The following RUNX2 variants were observed in gnomAD, a reference collection of about 807,000 sequenced individuals.
RUNX2 encodes RUNX family transcription factor 2.
RUNX2 carries 10 observed loss-of-function variants against 51.7 expected under a neutral mutation model. The ratio of observed to expected loss-of-function variants is 0.19; its 90% CI spans 0.12 to 0.33. The LOEUF (loss-of-function observed/expected upper bound fraction) is 0.33, where lower values mean the gene tolerates loss of function less well. Ranked by LOEUF, RUNX2 falls within the 10% of genes least tolerant of loss-of-function variation. The probability of loss-of-function intolerance (pLI) is 1.00; values close to 1 mark genes in which losing one functional copy is unlikely to be tolerated. For missense variants in RUNX2, 562 were observed against 691.3 expected (o/e 0.81, Z 2.10); for synonymous variants, 276 against 273.6 (o/e 1.01, Z -0.09).
chr6:45,508,239 T>G (rs1801035565), intron 6 of RUNX2, among the ~76,000 whole-genome samples: 1 of 140,338 alleles, frequency 7.1e-6, no homozygotes, highest in Admixed American at 7.0e-5. Context: ...TTTTTTTTTT[T>G]TTTTTTGAGA....
intron 6 of RUNX2, among the ~76,000 whole-genome samples, chr6:45,500,516 A>G (rs1278839058): frequency 6.6e-6 from 1 of 152,236 alleles, no homozygotes; most frequent in Non-Finnish European, 1.5e-5. Context: ...CTGAGGTGCT[A>G]GGAGATTTCT....
chr6:45,530,355 G>A (rs879705951), intron 7 of RUNX2, among the ~76,000 whole-genome samples: 2 of 152,206 alleles, frequency 1.3e-5, no homozygotes, highest in African/African-American at 2.4e-5. Context: ...AAGGCGATTT[G>A]GAGGTAAATC....
chr6:45,464,067 C>G (rs895006910), intron 5 of RUNX2, among the ~76,000 whole-genome samples: 2 of 152,088 alleles, frequency 1.3e-5, no homozygotes, highest in African/African-American at 4.8e-5. Context: ...GTGGCAGGTG[C>G]CTGTAGTCCC....
chr6:45,492,297 G>A (rs1800505455), intron 6 of RUNX2, among the ~76,000 whole-genome samples, 183 bp downstream of exon 6: 1 of 151,974 alleles, frequency 6.6e-6, no homozygotes, highest in South Asian at 2.1e-4. Context: ...CAATAACTTG[G>A]GGATAACATT....
intron 2 of RUNX2, among the ~76,000 whole-genome samples, chr6:45,332,906 C>G (rs1387948850): frequency 2.6e-5 from 4 of 151,656 alleles, no homozygotes; most frequent in Non-Finnish European, 5.9e-5. Flanking sequence ...CCTTAATGTA[C>G]TATTTTTTCT....
chr6:45,370,864 G>A (rs1036682672), intron 2 of RUNX2, among the ~76,000 whole-genome samples: 2 of 151,908 alleles, frequency 1.3e-5, no homozygotes, highest in Admixed American at 1.3e-4. Flanking sequence ...CTCACATTAA[G>A]TTTCTATTCC....
intron 7 of RUNX2, among the ~76,000 whole-genome samples, chr6:45,532,567 A>G: frequency 6.6e-6 from 1 of 152,150 alleles, no homozygotes; most frequent in East Asian, 1.9e-4. Context: ...TAAAATTGCT[A>G]TCCATGGCCA....
chr6:45,402,079 G>A (rs1204206308), intron 2 of RUNX2, among the ~76,000 whole-genome samples: 2 of 152,206 alleles, frequency 1.3e-5, no homozygotes, highest in Non-Finnish European at 2.9e-5. Context: ...TATGCTCTTA[G>A]ATGCATAATG....
chr6:45,370,979 A>G (rs991231954), intron 2 of RUNX2, among the ~76,000 whole-genome samples: 1 of 152,200 alleles, frequency 6.6e-6, no homozygotes, highest in Non-Finnish European at 1.5e-5. Context: ...CTATCAGATT[A>G]TCCTTAAGCC....
intron 5 of RUNX2, among the ~76,000 whole-genome samples, chr6:45,453,653 A>G (rs1352955958): frequency 6.6e-6 from 1 of 152,220 alleles, no homozygotes; most frequent in South Asian, 2.1e-4. Context: ...TGCCTAAAGC[A>G]CAATCAAGAA....
At chr6:45,505,393 C>T (rs1432637796) in intron 6 of RUNX2, among the ~76,000 whole-genome samples, 1 of 150,948 alleles carries the variant, frequency 6.6e-6, no homozygotes, top group Non-Finnish European at 1.5e-5. Context: ...TGCCTTCCTC[C>T]CTTCTCAATA....
chr6:45,332,409 T>C (rs920529273), intron 2 of RUNX2, among the ~76,000 whole-genome samples: 4 of 151,842 alleles, frequency 2.6e-5, no homozygotes, highest in Admixed American at 6.6e-5. Context: ...AATGGGACTA[T>C]ATTATTTATT....
intron 7 of RUNX2, among the ~76,000 whole-genome samples, chr6:45,536,408 C>G (rs1290117737): frequency 2.0e-5 from 3 of 152,130 alleles, no homozygotes; most frequent in Non-Finnish European, 2.9e-5. Flanking sequence ...TCTTTTGGAG[C>G]TGAATTATAG....
intron 6 of RUNX2, among the ~76,000 whole-genome samples, chr6:45,493,874 A>G (rs1800562193): frequency 6.6e-6 from 1 of 152,068 alleles, no homozygotes. Flanking sequence ...TTTGGCAACC[A>G]CTGGCTTTTT....
rs189684540 is a variant in RUNX2 at position 45,407,566 on chromosome 6, G to C, written c.59-15027G>C. 6.4e-4 allele frequency among the ~76,000 whole-genome samples: 97 copies of C among 152,148 alleles called. 1 individual carries two copies. Among genetic ancestry groups the C allele is most frequent in the African/African-American group, 2.1e-3 (88 of 41,500 alleles). ...GAGTGCAGTAGTGTGGTCATAGCTC[G>C]CTGCAACCTCTTAAGTCCTGGCCTC... is the stretch of plus-strand genomic sequence containing the variant. On this transcript the variant is annotated intron_variant, in intron 2 of 8. Coordinates refer to ENST00000647337, the MANE Select transcript of RUNX2 (RefSeq NM_001024630.4).
chr6:45,419,238 C>T (rs1018318987), intron 2 of RUNX2, among the ~76,000 whole-genome samples: 1 of 152,036 alleles, frequency 6.6e-6, no homozygotes, highest in African/African-American at 2.4e-5. Context: ...GAGGACAATC[C>T]CAGAGAAGGT....
intron 5 of RUNX2, among the ~76,000 whole-genome samples, chr6:45,483,150 A>G (rs1002978843): frequency 6.6e-6 from 1 of 152,194 alleles, no homozygotes; most frequent in Non-Finnish European, 1.5e-5. Context: ...TTGCATGGCT[A>G]TTAATTTCCA....
intron 2 of RUNX2, among the ~76,000 whole-genome samples, chr6:45,342,585 A>G (rs1790022653): frequency 6.6e-6 from 1 of 152,190 alleles, no homozygotes; most frequent in Non-Finnish European, 1.5e-5. Flanking sequence ...TAAAAATAAT[A>G]TGAGAGTGCC....
intron 5 of RUNX2, among the ~76,000 whole-genome samples, chr6:45,447,388 C>G (rs1799033348): frequency 6.6e-6 from 1 of 152,222 alleles, no homozygotes; most frequent in Non-Finnish European, 1.5e-5. Context: ...CCATATCTCT[C>G]TCTTTTGCAA....
Sources: allele counts gnomAD v4.1 joint callset (sites outside exome capture counted in the v4.1 genomes callset), GRCh38; gene constraint gnomAD v4.1.1; transcripts MANE v1.5; gene names NCBI Gene and HGNC (gene_info 2026-07-23, HGNC 2026-07-21).